The following NAV2 variants were observed in gnomAD, a reference collection of about 807,000 sequenced individuals.
NAV2 encodes the protein neuron navigator 2.
Under a neutral mutation model 223.2 loss-of-function variants are expected in NAV2, and 54 were observed. The observed-to-expected ratio is 0.24, with a 90% CI of 0.19 to 0.30. The LOEUF is 0.30. Ranked by LOEUF, NAV2 falls within the 10% of genes least tolerant of loss-of-function variation. NAV2 has a pLI of 1.00. For missense variants in NAV2, 2,806 were observed against 3,147.5 expected (o/e 0.89, Z 2.60); for synonymous variants, 1,279 against 1,239.3 (o/e 1.03, Z -0.67).
intron 1 of NAV2, among the ~76,000 whole-genome samples, chr11:19,562,396 C>A (rs1248546175): frequency 6.6e-6 from 1 of 152,290 alleles, no homozygotes; most frequent in Admixed American, 6.5e-5. Flanking sequence ...TGGGGCATCT[C>A]TGGGGGCTCC....
At chr11:19,832,445 G>C (rs757506913) in intron 1 of NAV2, 39 bp from the exon 2 acceptor site, 10 of 1,541,134 alleles carry the variant, frequency 6.5e-6, no homozygotes, top group African/African-American at 1.4e-5. Context: ...GAGGGGATCC[G>C]ACTGGCTTCC....
intron 6 of NAV2, among the ~76,000 whole-genome samples, chr11:19,895,138 G>A (rs2041867474): frequency 9.4e-6 from 1 of 106,358 alleles, no homozygotes. Context: ...GAGACAGAGT[G>A]TCACTCTGTC....
Position 19,897,886 on chromosome 11 carries a change from T to TTATATATA in NAV2, c.931+5304_931+5311dup, listed in dbSNP as rs10524489. Reference sequence around the variant, plus strand: ...GCCACAGCTGTGCCTGACCTGTGATTTATATATATATATATATATGTGAGC... The same window carrying TTATATATA: ...GCCACAGCTGTGCCTGACCTGTGATTTATATATATATATATATATATATATATGTGAGC... On this transcript the variant is annotated intron_variant, in intron 6 of 37. Coordinates refer to ENST00000349880, the MANE Select transcript of NAV2 (RefSeq NM_145117.5). 3.8e-3 allele frequency among the ~76,000 whole-genome samples: 458 copies of TTATATATA among 120,680 alleles called. 47 individuals carry two copies. Among genetic ancestry groups the TTATATATA allele is most frequent in the African/African-American group, 0.013 (387 of 29,686 alleles). The allele number at this position is 120,680 out of a possible 152,430, so 79.2% of individuals were successfully genotyped here.
At chr11:20,092,460 A>T (rs2060918027) in intron 28 of NAV2, 92 bp downstream of exon 28, 7 of 1,361,294 alleles carry the variant, frequency 5.1e-6, no homozygotes, top group Non-Finnish European at 1.0e-6. Context: ...AGATCAACAG[A>T]TCAAATGGAG....
At chr11:19,411,286 AT>A (rs755567615) in intron 1 of NAV2, among the ~76,000 whole-genome samples, 2 of 152,154 alleles carry the variant, frequency 1.3e-5, no homozygotes, top group Admixed American at 1.3e-4. Context: ...TCCTGAAGCC[AT>A]TGAAAGCCAC....
intron 1 of NAV2, among the ~76,000 whole-genome samples, chr11:19,375,226 C>T (rs1403838297): frequency 6.6e-6 from 1 of 152,174 alleles, no homozygotes; most frequent in African/African-American, 2.4e-5. Context: ...GTTACAGTCC[C>T]ATAAATCTGG....
At chr11:20,105,750 G>A (rs1397551240) in intron 35 of NAV2, 23 bp downstream of exon 35, 1 of 1,599,710 alleles carries the variant, frequency 6.3e-7, no homozygotes, top group South Asian at 1.1e-5. Context: ...CTGGGGTCAG[G>A]GGGGCGGGCT....
At chr11:19,534,839 C>A (rs1333274733) in intron 1 of NAV2, among the ~76,000 whole-genome samples, 2 of 152,180 alleles carry the variant, frequency 1.3e-5, no homozygotes, top group African/African-American at 4.8e-5. Flanking sequence ...AAGATGTAAG[C>A]TTTGAAGTTA....
intron 1 of NAV2, among the ~76,000 whole-genome samples, chr11:19,530,039 C>A (rs1020339573): frequency 6.6e-6 from 1 of 152,168 alleles, no homozygotes; most frequent in Non-Finnish European, 1.5e-5. Flanking sequence ...ACCATCGGCC[C>A]AACAAAGCAC....
In NAV2 at chr11:19,409,675, C is replaced by A. The variant is rs545922063; in HGVS notation, c.75+58648C>A. Among the ~76,000 whole-genome samples the A allele has an allele frequency of 3.3e-5, 5 of 152,302 alleles. No individual in the cohort carries two copies. The East Asian group carries it at 9.6e-4, about 29-fold the overall frequency. On this transcript the variant is annotated intron_variant, in intron 1 of 37. Transcript: ENST00000360655. ...CTCCCGTGATGCTGCAGGCACCATG[C>A]CCCAGGATTCACCTTCACTATTTAA... is the stretch of plus-strand genomic sequence containing the variant.
At chr11:20,103,135 C>T in intron 32 of NAV2, 120 bp from the exon 33 acceptor site, 3 of 937,674 alleles carry the variant, frequency 3.2e-6, no homozygotes, top group Non-Finnish European at 4.8e-6. Context: ...GTTTACAGCG[C>T]AGAATCATGA....
chr11:19,551,413 G>T (rs964814094), intron 1 of NAV2, among the ~76,000 whole-genome samples: 1 of 152,200 alleles, frequency 6.6e-6, no homozygotes, highest in African/African-American at 2.4e-5. Context: ...ACATCCCCTG[G>T]GTTCCACGGC....
At chr11:19,858,870 T>C (rs570941464) in intron 3 of NAV2, among the ~76,000 whole-genome samples, 1 of 152,294 alleles carries the variant, frequency 6.6e-6, no homozygotes, top group East Asian at 1.9e-4. Context: ...TCTTTCACTT[T>C]CAGGAAATGC....
At chr11:19,391,954 T>C (rs569511048) in intron 1 of NAV2, among the ~76,000 whole-genome samples, 1 of 152,224 alleles carries the variant, frequency 6.6e-6, no homozygotes, top group East Asian at 1.9e-4. Flanking sequence ...ACTGAGAAAA[T>C]TATACTTAAA....
At chr11:20,007,910 A>T (rs2053221259) in intron 11 of NAV2, among the ~76,000 whole-genome samples, 1 of 152,250 alleles carries the variant, frequency 6.6e-6, no homozygotes, top group African/African-American at 2.4e-5. Flanking sequence ...GATTTGTAAA[A>T]ACATTTTATG....
In NAV2 at chr11:19,590,925, G is replaced by T. The variant is rs534373500; in HGVS notation, c.75+239898G>T. ...CACAGTCCTTCTGTCCATCTTAGTT[G>T]GGCTTCTTTTGTCTCCACTTCAATA... is the stretch of plus-strand genomic sequence containing the variant. On this transcript the variant is annotated intron_variant, in intron 1 of 37. Coordinates refer to the NAV2 transcript ENST00000360655. 3.3e-5 allele frequency among the ~76,000 whole-genome samples: 5 copies of T among 152,110 alleles called. No individual in the cohort carries two copies. In the South Asian group the frequency reaches 1.0e-3, roughly 32 times the overall value.
At chr11:19,766,428 A>G (rs969780212) in intron 1 of NAV2, among the ~76,000 whole-genome samples, 32 of 152,160 alleles carry the variant, frequency 2.1e-4, no homozygotes, top group Non-Finnish European at 5.9e-5. Context: ...GCTCTCAGGA[A>G]GCTGATGTCA....
At chr11:19,993,601 G>A (rs1026569959) in intron 11 of NAV2, among the ~76,000 whole-genome samples, 10 of 151,664 alleles carry the variant, frequency 6.6e-5, no homozygotes, top group African/African-American at 2.2e-4. Context: ...TTTAACCAAC[G>A]CCTTATCATG....
intron 10 of NAV2, among the ~76,000 whole-genome samples, chr11:19,956,697 C>G (rs1222684921): frequency 6.6e-6 from 1 of 152,184 alleles, no homozygotes; most frequent in South Asian, 2.1e-4. Flanking sequence ...CCCAGCAACA[C>G]TGTGTGTCCA....
Sources: gnomAD v4.1 joint callset for allele counts (sites outside exome capture counted in the v4.1 genomes callset) on GRCh38, gnomAD v4.1.1 for gene constraint, MANE v1.5 for transcripts, NCBI Gene and HGNC (gene_info 2026-07-23, HGNC 2026-07-21) for gene names.